EPS15L1: variants seen among roughly 807,000 people sequenced by gnomAD.
The protein encoded by EPS15L1 is epidermal growth factor receptor substrate 15-like 1.
In EPS15L1, 43 loss-of-function variants were observed where a neutral mutation model predicts 117.1. The observed-to-expected ratio is 0.37, with a 90% CI of 0.29 to 0.47. The LOEUF (loss-of-function observed/expected upper bound fraction) is 0.47, where lower values mean the gene tolerates loss of function less well. EPS15L1 is among the 20% of genes least tolerant of loss of function. The pLI is 0.99. For synonymous variants in EPS15L1, 459 were observed against 470.5 expected, an observed-to-expected ratio of 0.98 and a Z score of 0.32; for missense variants, 981 against 1,164.0, an observed-to-expected ratio of 0.84 and a Z score of 2.29.
chr19:16,379,849 A>G (rs961009039), intron 21 of EPS15L1, among the ~76,000 whole-genome samples: 3 of 151,850 alleles, frequency 2.0e-5, no homozygotes, highest in African/African-American at 7.3e-5. Context: ...CTAGTCACAC[A>G]AAAGTGGCTG....
intron 21 of EPS15L1, chr19:16,382,942 T>C (rs865932146): frequency 6.6e-6 from 1 of 152,110 alleles, no homozygotes; most frequent in Non-Finnish European, 1.5e-5. Flanking sequence ...TGGGGAAAAG[T>C]TGATGATGGT....
intron 16 of EPS15L1, chr19:16,401,567 G>A (rs150968520): frequency 0.016 from 15,643 of 985,632 alleles, 129 homozygotes; most frequent in Non-Finnish European, 0.018. Context: ...GCACCAAGAC[G>A]AAATGGGAAA....
Position 16,363,903 on chromosome 19 carries a change from G to A in EPS15L1, c.2381-1919C>T, listed in dbSNP as rs77931469. ...AAGGAAAAACAGTCTTCCTTCCCAC[G>A]GTTTGCACAGAAGGACTCGGAGACA... On this transcript the variant is annotated intron_variant, in intron 22 of 23. Coordinates refer to ENST00000455140, the MANE Select transcript of EPS15L1 (RefSeq NM_001258374.3). 7.6e-3 allele frequency among the ~76,000 whole-genome samples: 1,153 copies of A among 152,310 alleles called. 20 individuals are homozygous for A. Among genetic ancestry groups the A allele is most frequent in the South Asian group, 0.06 (288 of 4,822 alleles).
chr19:16,360,825 C>A (rs546265882), intron 23 of EPS15L1, among the ~76,000 whole-genome samples: 1 of 152,148 alleles, frequency 6.6e-6, no homozygotes, highest in Non-Finnish European at 1.5e-5. Flanking sequence ...AGAAACAAAT[C>A]GGGTGCTTTC....
At chr19:16,434,732 G>A in intron 6 of EPS15L1, 1 of 402,476 alleles carries the variant, frequency 2.5e-6, no homozygotes, top group East Asian at 4.7e-5. Context: ...GGGAGGCCCT[G>A]GCCCCGGGTC....
At chr19:16,377,093 G>A (rs745848856) in intron 22 of EPS15L1, 29 bp downstream of exon 22, 15 of 1,575,600 alleles carry the variant, frequency 9.5e-6, no homozygotes, top group South Asian at 1.2e-5. Flanking sequence ...CCGGTAGGCG[G>A]TGGCTGCGAG....
In EPS15L1 at chr19:16,434,786, C is replaced by T. The variant is rs1371907476; in HGVS notation, c.373-296G>A. 1.8e-5 allele frequency: 5 copies of T among 284,490 alleles called. No individual in the cohort carries two copies. The Admixed American group carries it at 1.9e-4, about 11-fold the overall frequency. 17.6% of individuals were successfully genotyped at this position (284,490 alleles called of 1,614,324 possible). A position where few individuals can be genotyped will look rare whatever the true frequency, so the allele number is the denominator to read the frequency against. ...GCTGCCTGAGTGTGGCAGGAGTCTC[C>T]CATGGTGGGGCAGTGTCTTTGCAGG... On this transcript the variant is annotated intron_variant, in intron 6 of 23. Coordinates refer to ENST00000455140, the MANE Select transcript of EPS15L1 (RefSeq NM_001258374.3).
At chr19:16,400,369 A>C (rs2092588043) in intron 16 of EPS15L1, among the ~76,000 whole-genome samples, 1 of 151,746 alleles carries the variant, frequency 6.6e-6, no homozygotes, top group South Asian at 2.1e-4. Context: ...AAAAAAAAAA[A>C]AACCCCTGAC....
Position 16,417,619 on chromosome 19 carries a change from CGA to C in EPS15L1, c.1124_1125del (p.Leu375ArgfsTer12). On this transcript the variant is annotated frameshift_variant, in exon 12 of 24. Coordinates refer to ENST00000455140, the MANE Select transcript of EPS15L1 (RefSeq NM_001258374.3). LOFTEE classifies it high-confidence loss of function. The stretch of plus-strand genomic sequence containing the variant: ...TTCACGCCAGTAAACTCCCCGGAGC[CGA>C]GAGAGCCTGAACTGTCCTAGAATTG... The part of the protein sequence containing the change: ...GTPGPDSSGS[L>X]GSGEFTGVKE... 6.2e-7 allele frequency: 1 copy of C among 1,614,154 alleles called. No homozygotes were observed. Among genetic ancestry groups the C allele is most frequent in the Non-Finnish European group, 8.5e-7 (1 of 1,180,002 alleles).
intron 22 of EPS15L1, among the ~76,000 whole-genome samples, chr19:16,366,060 G>A (rs997185950): frequency 2.0e-5 from 3 of 152,182 alleles, no homozygotes; most frequent in Admixed American, 6.5e-5. Context: ...ATTTTTCCTC[G>A]AATACCTATG....
intron 1 of EPS15L1, among the ~76,000 whole-genome samples, chr19:16,453,774 C>T (rs1208503380): frequency 6.6e-6 from 1 of 151,798 alleles, no homozygotes; most frequent in African/African-American, 2.4e-5. Context: ...TGACAGGATC[C>T]GTATTCCAAA....
intron 22 of EPS15L1, among the ~76,000 whole-genome samples, chr19:16,369,708 T>TGTGTGTGTGTGTGTGG (rs60720757): frequency 1.4e-5 from 2 of 139,822 alleles, no homozygotes; most frequent in Non-Finnish European, 3.1e-5. Flanking sequence ...TGTGTGTGTG[T>TGTGTGTGTGTGTGTGG]AGGGTGGGGT....
chr19:16,455,383 C>T (rs909786461), intron 1 of EPS15L1, among the ~76,000 whole-genome samples: 5 of 152,134 alleles, frequency 3.3e-5, no homozygotes, highest in African/African-American at 1.2e-4. Context: ...GCCTTGGCCT[C>T]CCAAAGTGCT....
intron 22 of EPS15L1, among the ~76,000 whole-genome samples, chr19:16,364,801 C>T (rs1452348471): frequency 1.3e-5 from 2 of 152,108 alleles, no homozygotes; most frequent in South Asian, 2.1e-4. Context: ...GGAGGGTGGG[C>T]GAGGGCCCCT....
intron 6 of EPS15L1, among the ~76,000 whole-genome samples, chr19:16,435,899 G>T (rs1443199393): frequency 6.6e-6 from 1 of 152,140 alleles, no homozygotes; most frequent in Non-Finnish European, 1.5e-5. Flanking sequence ...TTCCAGTGAG[G>T]CCTGGACATA....
intron 22 of EPS15L1, 143 bp from the exon 23 acceptor site, chr19:16,362,127 A>G: frequency 1.2e-6 from 1 of 803,118 alleles, no homozygotes; most frequent in Non-Finnish European, 1.9e-6. Flanking sequence ...GGACGGGGGT[A>G]CCCTGGGGAA....
chr19:16,387,350 G>C (rs1281058820), intron 19 of EPS15L1, among the ~76,000 whole-genome samples: 3 of 152,340 alleles, frequency 2.0e-5, no homozygotes, highest in African/African-American at 7.2e-5. Flanking sequence ...GCTCATGCCT[G>C]TAATCCCAGC....
At chr19:16,466,104 T>C (rs1483209576) in intron 1 of EPS15L1, among the ~76,000 whole-genome samples, 1 of 150,538 alleles carries the variant, frequency 6.6e-6, no homozygotes, top group East Asian at 2.0e-4. Context: ...TTCTCCTGCC[T>C]CAGCCTCCTG....
At chr19:16,412,823 G>A in intron 13 of EPS15L1, 1 of 505,628 alleles carries the variant, frequency 2.0e-6, no homozygotes, top group South Asian at 1.6e-5. Context: ...CAGCACCGGA[G>A]CCGGGACCAA....
Sources: gnomAD v4.1 joint callset for allele counts (sites outside exome capture counted in the v4.1 genomes callset) on GRCh38, gnomAD v4.1.1 for gene constraint, MANE v1.5 for transcripts, NCBI Gene and HGNC (gene_info 2026-07-23, HGNC 2026-07-21) for gene names.